NAV2: variants seen among roughly 807,000 people sequenced by gnomAD.
The protein encoded by NAV2 is helicase, APC down-regulated 1.
In NAV2, 54 loss-of-function variants were observed where a neutral mutation model predicts 223.2. The ratio of observed to expected loss-of-function variants is 0.24; its 90% confidence interval spans 0.19 to 0.30. The LOEUF (loss-of-function observed/expected upper bound fraction) is 0.30, where lower values mean the gene tolerates loss of function less well. Ranked by LOEUF, NAV2 falls within the 10% of genes least tolerant of loss-of-function variation. The pLI is 1.00. For missense variants in NAV2, 2,806 were observed against 3,147.5 expected (o/e 0.89, Z 2.60); for synonymous variants, 1,279 against 1,239.3 (o/e 1.03, Z -0.67).
intron 1 of NAV2, among the ~76,000 whole-genome samples, chr11:19,372,019 T>A (rs1848488025): frequency 6.6e-6 from 1 of 152,144 alleles, no homozygotes; most frequent in African/African-American, 2.4e-5. Context: ...TCTCAGGTGA[T>A]CCACCCTCCT....
Position 19,984,150 on chromosome 11 carries a change from CTCTATACCCG to C in NAV2, c.2674_2683del (p.Tyr892AlafsTer2). On this transcript the variant is annotated frameshift_variant, in exon 11 of 38. Transcript: ENST00000349880. LOFTEE classifies it high-confidence loss of function. ...ATACATGACTGATGGTGGACTTGGC[CTCTATACCCG>C]TCGCCTGAACCGGCTCCCTGATGGG... is the stretch of plus-strand genomic sequence containing the variant. The C allele has an allele frequency of 1.2e-6, 2 of 1,614,124 alleles. No individual in the cohort carries two copies. Among genetic ancestry groups the C allele is most frequent in the Non-Finnish European group, 1.7e-6 (2 of 1,180,022 alleles).
intron 6 of NAV2, among the ~76,000 whole-genome samples, chr11:19,893,736 G>A (rs1266854082): frequency 6.6e-6 from 1 of 152,210 alleles, no homozygotes; most frequent in Non-Finnish European, 1.5e-5. Flanking sequence ...TCACCAGGAT[G>A]TCTTAACCTA....
At chr11:19,685,219 A>G (rs905954885) in intron 1 of NAV2, among the ~76,000 whole-genome samples, 1 of 152,196 alleles carries the variant, frequency 6.6e-6, no homozygotes, top group Non-Finnish European at 1.5e-5. Flanking sequence ...CTCTCAGTTC[A>G]GAAGCTCTGC....
chr11:19,801,252 T>C (rs985993760), intron 1 of NAV2, among the ~76,000 whole-genome samples: 1 of 152,134 alleles, frequency 6.6e-6, no homozygotes, highest in African/African-American at 2.4e-5. Context: ...GAATGGAAAA[T>C]GGTAGTCAGT....
chr11:19,859,520 A>G lies in NAV2; in HGVS notation c.439-9405A>G, dbSNP rs1392796416. ...TTTTTCTTAGTACAGAACAAAATGA[A>G]AAGTCTCCCATGTCTACCTCTTTCT... is the stretch of plus-strand genomic sequence containing the variant. On this transcript the variant is annotated intron_variant, in intron 3 of 37. Transcript: ENST00000349880. Among the ~76,000 whole-genome samples, 5 of 149,918 alleles carry G rather than the reference A, an allele frequency of 3.3e-5. No homozygotes were observed. The East Asian group carries it at 1.0e-3, about 30-fold the overall frequency.
intron 12 of NAV2, 75 bp from the exon 13 acceptor site, chr11:20,043,906 A>G (rs2057194045): frequency 1.4e-6 from 2 of 1,457,910 alleles, no homozygotes; most frequent in South Asian, 1.2e-5. Context: ...GTGTTTTGGC[A>G]TTTTTGCCTT....
chr11:19,495,727 T>C (rs747915679), intron 1 of NAV2, among the ~76,000 whole-genome samples: 1 of 152,116 alleles, frequency 6.6e-6, no homozygotes, highest in African/African-American at 2.4e-5. Context: ...TAACTTTATA[T>C]TGCATGTAAA....
chr11:20,068,114 G>A (rs909612077), intron 20 of NAV2, 72 bp from the exon 21 acceptor site: 26 of 1,322,938 alleles, frequency 2.0e-5, no homozygotes, highest in African/African-American at 4.3e-5. Context: ...TGAATATGGT[G>A]TTCCCGATGG....
chr11:19,836,579 A>G (rs930136719), intron 2 of NAV2, among the ~76,000 whole-genome samples: 2 of 151,706 alleles, frequency 1.3e-5, no homozygotes, highest in Middle Eastern at 3.2e-3. Context: ...AAAAAAAAAA[A>G]AAGCTCCGAT....
rs1002369066 is a variant in NAV2, at chr11:20,004,174, G to C, written c.2768+19927G>C. On this transcript the variant is annotated intron_variant, in intron 11 of 37. Transcript: ENST00000349880. ...TCCTAGTAGCAGATGTTATTACACT[G>C]GTCCTACATTTCCCTCCATATCACC... Among the ~76,000 whole-genome samples the C allele has an allele frequency of 7.2e-5, 11 of 152,218 alleles. No individual in the cohort carries two copies. In the East Asian group the frequency reaches 1.9e-3, roughly 27 times the overall value.
At chr11:19,574,449 G>A (rs550582415) in intron 1 of NAV2, among the ~76,000 whole-genome samples, 1 of 152,210 alleles carries the variant, frequency 6.6e-6, no homozygotes, top group Admixed American at 6.5e-5. Flanking sequence ...TTCCTGGCCT[G>A]TGTTGTCCCT....
intron 1 of NAV2, among the ~76,000 whole-genome samples, chr11:19,367,271 C>T (rs1293195674): frequency 6.6e-6 from 1 of 152,224 alleles, no homozygotes; most frequent in Non-Finnish European, 1.5e-5. Context: ...GAAACCTTCT[C>T]TGCCTCCCAC....
intron 1 of NAV2, among the ~76,000 whole-genome samples, chr11:19,563,320 A>G (rs1009031315): frequency 6.6e-6 from 1 of 152,178 alleles, no homozygotes; most frequent in Admixed American, 6.5e-5. Flanking sequence ...CCAGTAATAC[A>G]GAGTTGGGTG....
At chr11:19,459,524 A>G (rs925980723) in intron 1 of NAV2, among the ~76,000 whole-genome samples, 3 of 152,204 alleles carry the variant, frequency 2.0e-5, no homozygotes, top group African/African-American at 4.8e-5. Context: ...ACTCCCTCTA[A>G]GGTAGAATGA....
At chr11:19,744,259 C>T (rs913273176) in intron 1 of NAV2, among the ~76,000 whole-genome samples, 2 of 152,182 alleles carry the variant, frequency 1.3e-5, no homozygotes, top group African/African-American at 4.8e-5. Flanking sequence ...GAAGGCCTAT[C>T]CTAGGGATGA....
chr11:20,053,773 G>A lies in NAV2; in HGVS notation c.4482-307G>A, dbSNP rs141745694. ...GTCCTGTCAAGGTGGGGGCTTTGAC[G>A]TGACACTGTCATGAAGCAACATGTT... On this transcript the variant is annotated intron_variant, in intron 17 of 37. Transcript: ENST00000349880. 2.0e-3 allele frequency among the ~76,000 whole-genome samples: 307 copies of A among 152,284 alleles called. 3 individuals carry two copies. The highest frequency in any genetic ancestry group is 7.0e-3 in the African/African-American group (290 of 41,548).
intron 25 of NAV2, among the ~76,000 whole-genome samples, chr11:20,080,458 A>G (rs1168163617): frequency 5.9e-5 from 9 of 152,160 alleles, no homozygotes; most frequent in African/African-American, 2.2e-4. Flanking sequence ...TTCATAAAGT[A>G]CTCATCTTTC....
At chr11:19,548,880 A>C (rs1036872003) in intron 1 of NAV2, among the ~76,000 whole-genome samples, 3 of 150,552 alleles carry the variant, frequency 2.0e-5, no homozygotes, top group Non-Finnish European at 3.0e-5. Flanking sequence ...CCGTCTCAAA[A>C]AAAAAAAAAA....
At chr11:19,659,440 C>T (rs893510362) in intron 1 of NAV2, among the ~76,000 whole-genome samples, 3 of 152,120 alleles carry the variant, frequency 2.0e-5, no homozygotes, top group East Asian at 1.9e-4. Context: ...TGGGAGTTAA[C>T]GTGCTGGGGG....
Sources: allele counts gnomAD v4.1 joint callset (sites outside exome capture counted in the v4.1 genomes callset), GRCh38; gene constraint gnomAD v4.1.1; transcripts MANE v1.5; gene names NCBI Gene and HGNC (gene_info 2026-07-23, HGNC 2026-07-21).